Variants in MORC1 observed in about 807,000 individuals in gnomAD.
The protein encoded by MORC1 is MORC family CW-type zinc finger protein 1.
A neutral mutation model predicts 134.9 loss-of-function variants in MORC1; 59 were observed. That is an observed-to-expected ratio of 0.44 (90% CI 0.35 to 0.54). The LOEUF is 0.54. MORC1 is among the 20% of genes least tolerant of loss of function. The pLI, the probability that MORC1 is intolerant of heterozygous loss-of-function variation, is 0.00. For missense variants in MORC1, 947 were observed against 1,134.5 expected, an observed-to-expected ratio of 0.83 and a Z score of 2.37; for synonymous variants, 395 against 391.7, an observed-to-expected ratio of 1.01 and a Z score of -0.10.
chr3:109,075,971 A>G (rs1358830680), intron 8 of MORC1, among the ~76,000 whole-genome samples: 2 of 152,200 alleles, frequency 1.3e-5, no homozygotes, highest in Non-Finnish European at 2.9e-5. Flanking sequence ...ACAAAAGCCA[A>G]AATTGACAAA....
intron 14 of MORC1, among the ~76,000 whole-genome samples, chr3:109,054,143 G>T (rs538596080): frequency 2.0e-4 from 31 of 152,104 alleles, no homozygotes; most frequent in Non-Finnish European, 3.2e-4. Flanking sequence ...TTAGGCGGGC[G>T]TGGTGGCAGG....
At chr3:109,090,028 A>C (rs1576731102) in intron 8 of MORC1, among the ~76,000 whole-genome samples, 1 of 152,138 alleles carries the variant, frequency 6.6e-6, no homozygotes, top group East Asian at 1.9e-4. Context: ...CAATTTCAAA[A>C]TTCAATTTAA....
At chr3:109,111,164 T>C (rs1280169046) in intron 2 of MORC1, among the ~76,000 whole-genome samples, 4 of 151,472 alleles carry the variant, frequency 2.6e-5, no homozygotes, top group Non-Finnish European at 4.4e-5. Flanking sequence ...TAGGTAATAG[T>C]GTACTATAAG....
chr3:109,093,456 C>T lies in MORC1; in HGVS notation c.669G>A (p.Leu223=). 9 of 1,613,142 alleles carry T rather than the reference C, an allele frequency of 5.6e-6. No homozygotes were observed. The highest frequency in any genetic ancestry group is 7.6e-6 in the Non-Finnish European group (9 of 1,179,182). The change falls in exon 8 of 28, where the codon CTG becomes CTA. Residue 223 remains leucine, a synonymous_variant. Transcript: ENST00000232603. ...LDVKTDKEDI[L]MAGALEDFPA... ...CATACTCCTCCAGAGCTCCAGCCAT[C>T]AGTATATCTTCTTTGTCAGTTTTAA...
intron 1 of MORC1, among the ~76,000 whole-genome samples, chr3:109,117,636 C>T (rs1559962634): frequency 6.6e-6 from 1 of 152,138 alleles, no homozygotes; most frequent in Non-Finnish European, 1.5e-5. Context: ...ATGCAAATTA[C>T]TCTGTTTGAA....
intron 21 of MORC1, among the ~76,000 whole-genome samples, chr3:108,994,369 G>C (rs1948142595): frequency 6.6e-6 from 1 of 151,606 alleles, no homozygotes; most frequent in Admixed American, 6.6e-5. Context: ...AGACCTAAAT[G>C]ACCACAGAGA....
intron 14 of MORC1, among the ~76,000 whole-genome samples, chr3:109,048,226 G>A (rs1441788959): frequency 6.6e-6 from 1 of 152,088 alleles, no homozygotes; most frequent in African/African-American, 2.4e-5. Context: ...AAAGAACCTT[G>A]CAGTTTATGA....
At chr3:109,010,081 GTAAA>G (rs1312738082) in intron 17 of MORC1, among the ~76,000 whole-genome samples, 1 of 152,122 alleles carries the variant, frequency 6.6e-6, no homozygotes, top group Non-Finnish European at 1.5e-5. Context: ...AGGCTAGATA[GTAAA>G]TAGTTTTGCA....
At chr3:109,097,902 C>A (rs896766371) in intron 6 of MORC1, among the ~76,000 whole-genome samples, 1 of 151,668 alleles carries the variant, frequency 6.6e-6, no homozygotes, top group South Asian at 2.1e-4. Flanking sequence ...ATGTTGAGGG[C>A]GGGGGATGAG....
chr3:109,009,177 G>A (rs1180903859), intron 17 of MORC1, among the ~76,000 whole-genome samples: 4 of 149,468 alleles, frequency 2.7e-5, no homozygotes, highest in Non-Finnish European at 5.9e-5. Context: ...AATATTTCCT[G>A]AGTTCTTTCC....
chr3:108,960,201 T>C (rs144860884), intron 27 of MORC1, among the ~76,000 whole-genome samples: 106 of 152,356 alleles, frequency 7.0e-4, no homozygotes, highest in Non-Finnish European at 1.2e-3. Context: ...GGATGGATGA[T>C]GCTTAATAGC....
intron 6 of MORC1, among the ~76,000 whole-genome samples, chr3:109,098,572 G>GC (rs1226563739): frequency 4.1e-4 from 62 of 152,234 alleles, no homozygotes; most frequent in Non-Finnish European, 7.4e-5. Flanking sequence ...TTTTCCGGCT[G>GC]CAAGTTGTAC....
At chr3:108,965,192 AAC>A (rs1947185788) in intron 26 of MORC1, among the ~76,000 whole-genome samples, 1 of 152,250 alleles carries the variant, frequency 6.6e-6, no homozygotes, top group African/African-American at 2.4e-5. Context: ...CATGCTGAAT[AAC>A]AGTCAGAAAA....
intron 23 of MORC1, among the ~76,000 whole-genome samples, chr3:108,979,940 A>C (rs968775069): frequency 2.0e-5 from 3 of 152,170 alleles, no homozygotes; most frequent in Non-Finnish European, 4.4e-5. Flanking sequence ...GTCATATACT[A>C]CTTGTCTTTC....
chr3:109,096,673 C>T lies in MORC1; in HGVS notation c.424-1605G>A, dbSNP rs188499761. ...GTAACTATAAGTATACTCAGTTGAG[C>T]AGCCCAGGCCACTGCTCTGCCTATG... On this transcript the variant is annotated intron_variant, in intron 6 of 27. Transcript: ENST00000232603. Among the ~76,000 whole-genome samples, 199 of 152,262 alleles carry T rather than the reference C, an allele frequency of 1.3e-3. 1 individual carries two copies. Among genetic ancestry groups the T allele is most frequent in the African/African-American group, 4.5e-3 (188 of 41,550 alleles).
At chr3:109,076,618 A>G (rs765619495) in intron 8 of MORC1, among the ~76,000 whole-genome samples, 1 of 152,212 alleles carries the variant, frequency 6.6e-6, no homozygotes, top group Non-Finnish European at 1.5e-5. Flanking sequence ...AAAATGTGGC[A>G]CATATACACC....
At chr3:109,100,174 C>T (rs1950899156) in intron 5 of MORC1, among the ~76,000 whole-genome samples, 1 of 151,812 alleles carries the variant, frequency 6.6e-6, no homozygotes, top group African/African-American at 2.4e-5. Context: ...ACCCAGGAGG[C>T]GGAGGTTGCA....
chr3:109,109,889 T>C (rs1393743840), intron 3 of MORC1: 1 of 152,228 alleles, frequency 6.6e-6, no homozygotes, highest in African/African-American at 2.4e-5. Context: ...TGCAAGTCCA[T>C]TTGCTCTCTC....
intron 16 of MORC1, among the ~76,000 whole-genome samples, chr3:109,029,547 A>AT (rs572667500): frequency 8.5e-4 from 129 of 152,222 alleles, no homozygotes; most frequent in African/African-American, 2.8e-3. Context: ...AATAGGCATC[A>AT]TTTTTTCTCT....
Sources: gnomAD v4.1 joint callset for allele counts (sites outside exome capture counted in the v4.1 genomes callset) on GRCh38, gnomAD v4.1.1 for gene constraint, MANE v1.5 for transcripts, NCBI Gene and HGNC (gene_info 2026-07-23, HGNC 2026-07-21) for gene names.